Variants in DACH2 observed in about 807,000 individuals in gnomAD.
DACH2 encodes dachshund family transcription factor 2, also known as dachshund homolog 2.
Under a neutral mutation model 35.8 loss-of-function variants are expected in DACH2, and 17 were observed. The ratio of observed to expected loss-of-function variants is 0.48; its 90% confidence interval spans 0.33 to 0.71. The LOEUF is 0.71. Among genes scored for constraint, DACH2 ranks in the 30% least tolerant of loss-of-function variants. The pLI is 0.02. For synonymous variants in DACH2, 195 were observed against 177.3 expected, an observed-to-expected ratio of 1.10 and a Z score of -0.79; for missense variants, 469 against 472.7, an observed-to-expected ratio of 0.99 and a Z score of 0.07.
At chrX:86,222,381 T>C (rs1335676763) in intron 1 of DACH2, among the ~76,000 whole-genome samples, 1 of 111,875 alleles carries the variant, frequency 8.9e-6, no homozygotes, top group Non-Finnish European at 1.9e-5. Flanking sequence ...GAAACCATTT[T>C]AGAAATACAG....
chrX:86,571,789 C>A (rs1445044340), intron 3 of DACH2, among the ~76,000 whole-genome samples: 1 of 110,477 alleles, frequency 9.1e-6, no homozygotes, highest in Non-Finnish European at 1.9e-5. Flanking sequence ...TCTAACAAAG[C>A]TTACTAAGAG....
chrX:86,159,184 A>C (rs1419007097), intron 1 of DACH2, among the ~76,000 whole-genome samples: 1 of 111,621 alleles, frequency 9.0e-6, no homozygotes, highest in African/African-American at 3.2e-5. Flanking sequence ...TAAACTAGTA[A>C]GATCCTCAAT....
intron 4 of DACH2, among the ~76,000 whole-genome samples, chrX:86,669,111 C>G (rs765911926): frequency 9.0e-6 from 1 of 111,410 alleles, no homozygotes; most frequent in Admixed American, 9.6e-5. Flanking sequence ...TGAAGACTTA[C>G]TAATACCTGG....
chrX:86,360,927 A>G (rs1482160161), intron 1 of DACH2, among the ~76,000 whole-genome samples: 3 of 111,355 alleles, frequency 2.7e-5, no homozygotes, highest in African/African-American at 9.7e-5. Context: ...GCATATTTTG[A>G]GTTATAGTAT....
intron 4 of DACH2, among the ~76,000 whole-genome samples, chrX:86,689,934 CAG>C (rs996158080): frequency 2.7e-5 from 3 of 111,659 alleles, no homozygotes; most frequent in Non-Finnish European, 5.7e-5. Context: ...ATTCATAAGA[CAG>C]AGATCATTTT....
chrX:86,435,785 G>C (rs1210600433), intron 2 of DACH2, among the ~76,000 whole-genome samples: 1 of 111,450 alleles, frequency 9.0e-6, no homozygotes, highest in Non-Finnish European at 1.9e-5. Flanking sequence ...CAAATGTCAG[G>C]GTGAGAATGT....
chrX:86,632,607 T>A (rs1369515054), intron 3 of DACH2, among the ~76,000 whole-genome samples: 1 of 110,355 alleles, frequency 9.1e-6, no homozygotes, highest in African/African-American at 3.3e-5. Flanking sequence ...GACAAGGTAG[T>A]CCCTCCAATA....
chrX:86,755,768 T>G (rs1013123362), intron 7 of DACH2, among the ~76,000 whole-genome samples: 2 of 108,514 alleles, frequency 1.8e-5, no homozygotes, highest in Admixed American at 9.9e-5. Flanking sequence ...CGGCTAATTT[T>G]TTGTATTTTT....
chrX:86,625,169 A>G (rs191954598), intron 3 of DACH2, among the ~76,000 whole-genome samples: 3 of 108,938 alleles, frequency 2.8e-5, no homozygotes, highest in East Asian at 5.8e-4. Flanking sequence ...TACCTTACAA[A>G]TCATTCAACT....
At chrX:86,772,891 C>T (rs1475767220) in intron 7 of DACH2, among the ~76,000 whole-genome samples, 1 of 111,089 alleles carries the variant, frequency 9.0e-6, no homozygotes, top group Non-Finnish European at 1.9e-5. Context: ...CTATATAAGA[C>T]AGTCATATTT....
intron 2 of DACH2, among the ~76,000 whole-genome samples, chrX:86,473,914 A>AT (rs1190993938): frequency 3.6e-5 from 4 of 111,065 alleles, no homozygotes; most frequent in African/African-American, 1.3e-4. Flanking sequence ...CAGTAGCTCT[A>AT]TTTTTCATTT....
chrX:86,373,377 T>C (rs924438347), intron 1 of DACH2, among the ~76,000 whole-genome samples: 2 of 111,197 alleles, frequency 1.8e-5, no homozygotes, highest in Non-Finnish European at 3.8e-5. Context: ...GGCTTAGAGA[T>C]CAAGGGAGCC....
chrX:86,288,595 C>T (rs1421459263), intron 1 of DACH2, among the ~76,000 whole-genome samples: 1 of 112,107 alleles, frequency 8.9e-6, no homozygotes, highest in Non-Finnish European at 1.9e-5. Flanking sequence ...GGCACTCAAA[C>T]CACAAGACAG....
chrX:86,498,339 C>T (rs2038201866), intron 2 of DACH2, among the ~76,000 whole-genome samples: 1 of 112,181 alleles, frequency 8.9e-6, no homozygotes, highest in African/African-American at 3.2e-5. Context: ...TTCTTTTATA[C>T]ATAAATCCAT....
intron 1 of DACH2, among the ~76,000 whole-genome samples, chrX:86,368,796 C>T (rs763784209): frequency 1.8e-5 from 2 of 110,266 alleles, no homozygotes; most frequent in Non-Finnish European, 3.8e-5. Context: ...CTCCTGGTCT[C>T]GAGGGATTAC....
chrX:86,777,067 T>A (rs754547319), intron 7 of DACH2, among the ~76,000 whole-genome samples: 177 of 111,776 alleles, frequency 1.6e-3, no homozygotes, highest in African/African-American at 5.3e-3. Flanking sequence ...TGTGTCTTTA[T>A]AGCAGCATGA....
chrX:86,322,261 T>A lies in DACH2; in HGVS notation c.489-54563T>A, dbSNP rs138386545. Among the ~76,000 whole-genome samples, 190 of 111,421 alleles carry A rather than the reference T, an allele frequency of 1.7e-3. 4 individuals carry two copies. In the East Asian group the frequency reaches 0.04, roughly 24 times the overall value. ...AGGCCATGGTAAGAAGATGTCGCCTTGTGCAAAAGAAAATGAGCAGCTTTT... is the reference window on the plus strand; with the variant it reads ...AGGCCATGGTAAGAAGATGTCGCCTAGTGCAAAAGAAAATGAGCAGCTTTT... On this transcript the variant is annotated intron_variant, in intron 1 of 11. Coordinates refer to ENST00000373125, the MANE Select transcript of DACH2 (RefSeq NM_053281.3).
chrX:86,638,997 T>G (rs1476103555), intron 3 of DACH2, among the ~76,000 whole-genome samples: 1 of 112,099 alleles, frequency 8.9e-6, no homozygotes, highest in African/African-American at 3.2e-5. Flanking sequence ...AGCAAAGATA[T>G]GGAATCCACC....
chrX:86,694,602 A>T (rs770165073), intron 4 of DACH2, among the ~76,000 whole-genome samples: 1 of 112,125 alleles, frequency 8.9e-6, no homozygotes, highest in South Asian at 3.7e-4. Context: ...CTTACCATGT[A>T]TTTTTGCATG....
Sources: allele counts gnomAD v4.1 joint callset (sites outside exome capture counted in the v4.1 genomes callset), GRCh38; gene constraint gnomAD v4.1.1; transcripts MANE v1.5; gene names NCBI Gene and HGNC (gene_info 2026-07-23, HGNC 2026-07-21).